The following MBTD1 variants were observed in gnomAD, a reference collection of about 807,000 sequenced individuals.
The protein encoded by MBTD1 is mbt domain containing 1, also known as MBT domain-containing protein 1.
In MBTD1, 24 loss-of-function variants were observed where a neutral mutation model predicts 87.8. The ratio of observed to expected loss-of-function variants is 0.27; its 90% confidence interval spans 0.20 to 0.38. The LOEUF (loss-of-function observed/expected upper bound fraction) is 0.38, where lower values mean the gene tolerates loss of function less well. MBTD1 is among the 10% of genes least tolerant of loss of function. The pLI is 1.00. For synonymous variants in MBTD1, 237 were observed against 248.6 expected (o/e 0.95, Z 0.44); for missense variants, 436 against 760.2 (o/e 0.57, Z 5.02).
chr17:51,252,908 T>C (rs1301018766), intron 2 of MBTD1, among the ~76,000 whole-genome samples: 1 of 151,898 alleles, frequency 6.6e-6, no homozygotes, highest in Non-Finnish European at 1.5e-5. Context: ...AAAATTCATA[T>C]ACTAAATAAA....
chr17:51,244,726 T>C (rs1297395374), intron 2 of MBTD1, among the ~76,000 whole-genome samples: 2 of 148,302 alleles, frequency 1.3e-5, no homozygotes, highest in South Asian at 2.1e-4. Context: ...CCTTTTGACA[T>C]ACTTCCATCT....
At chr17:51,191,086 T>A (rs2145063935) in intron 16 of MBTD1, among the ~76,000 whole-genome samples, 1 of 151,906 alleles carries the variant, frequency 6.6e-6, no homozygotes, top group African/African-American at 2.4e-5. Flanking sequence ...TAAGGCCTTG[T>A]CTCAAAAAAG....
At chr17:51,219,831 C>A (rs903288200) in intron 4 of MBTD1, among the ~76,000 whole-genome samples, 1 of 152,168 alleles carries the variant, frequency 6.6e-6, no homozygotes, top group Admixed American at 6.5e-5. Flanking sequence ...TAAAGCAAGA[C>A]GATTTTCTTT....
rs1159698342 is a variant in MBTD1, at chr17:51,178,659, A to C, written c.*1917T>G. 1 of 152,110 alleles carries C rather than the reference A, an allele frequency of 6.6e-6. No individual in the cohort carries two copies. The highest frequency in any genetic ancestry group is 2.4e-5 in the African/African-American group (1 of 41,402). The allele number at this position is 152,110 out of a possible 1,614,324, so 9.4% of individuals were successfully genotyped here. On this transcript the variant is annotated 3_prime_UTR_variant, in exon 17 of 17. Coordinates refer to ENST00000586178, the MANE Select transcript of MBTD1 (RefSeq NM_017643.3). Reference sequence around the variant, plus strand: ...TTCTAGGCTTTAAGTTTACAAGAAGATTTTTCAAAGTTAAAGATATGGGAA... The same window carrying C: ...TTCTAGGCTTTAAGTTTACAAGAAGCTTTTTCAAAGTTAAAGATATGGGAA...
chr17:51,212,466 C>CAACT (rs931417428), intron 6 of MBTD1, among the ~76,000 whole-genome samples: 3 of 139,634 alleles, frequency 2.1e-5, no homozygotes, highest in Admixed American at 7.2e-5. Flanking sequence ...GTACAAACTA[C>CAACT]AACTGTATTT....
chr17:51,184,179 T>A (rs1260729681), intron 16 of MBTD1: 1 of 152,244 alleles, frequency 6.6e-6, no homozygotes, highest in African/African-American at 2.4e-5. Flanking sequence ...TTTCATGGAA[T>A]CTAAAATAAA....
At chr17:51,207,039 T>A in intron 6 of MBTD1, 34 bp from the exon 7 acceptor site, 1 of 1,215,060 alleles carries the variant, frequency 8.2e-7, no homozygotes, top group Non-Finnish European at 1.2e-6. Context: ...TATTGTCTTA[T>A]TAACATAAAG....
intron 16 of MBTD1, among the ~76,000 whole-genome samples, chr17:51,187,035 A>G (rs2050569237): frequency 6.6e-6 from 1 of 152,134 alleles, no homozygotes; most frequent in Non-Finnish European, 1.5e-5. Context: ...TTTACAATTC[A>G]CTCTTTTAGA....
At chr17:51,258,959 G>A (rs1005564929) in intron 2 of MBTD1, among the ~76,000 whole-genome samples, 184 bp downstream of exon 2, 3 of 152,172 alleles carry the variant, frequency 2.0e-5, no homozygotes, top group African/African-American at 7.2e-5. Context: ...GTGGGTGGGT[G>A]AGGAGGATGT....
intron 2 of MBTD1, among the ~76,000 whole-genome samples, chr17:51,253,423 A>G (rs1298046792): frequency 6.6e-6 from 1 of 152,202 alleles, no homozygotes; most frequent in Admixed American, 6.5e-5. Context: ...ACAAACTTAC[A>G]ATCAGCAGGG....
upstream of MBTD1, chr17:51,260,837 C>G (rs764711930): frequency 3.8e-6 from 6 of 1,598,254 alleles, no homozygotes; most frequent in Non-Finnish European, 5.1e-6. Flanking sequence ...GGAGGACAAA[C>G]CGGCCGTGGA....
At chr17:51,193,900 C>T (rs184711593) in intron 13 of MBTD1, among the ~76,000 whole-genome samples, 8 of 152,264 alleles carry the variant, frequency 5.3e-5, no homozygotes, top group East Asian at 3.9e-4. Context: ...GGATTATTGG[C>T]GTGAGCCACT....
intron 2 of MBTD1, among the ~76,000 whole-genome samples, chr17:51,237,586 G>A (rs1341376746): frequency 6.6e-6 from 1 of 152,066 alleles, no homozygotes; most frequent in Non-Finnish European, 1.5e-5. Context: ...CTCAACATCA[G>A]CGGTCACTGA....
intron 6 of MBTD1, among the ~76,000 whole-genome samples, chr17:51,210,906 G>A (rs2052160203): frequency 6.6e-6 from 1 of 152,162 alleles, no homozygotes; most frequent in Admixed American, 6.5e-5. Context: ...GGAGGCCAAG[G>A]TGGGCAGATC....
At chr17:51,250,460 G>A (rs2054712699) in intron 2 of MBTD1, 1 of 152,176 alleles carries the variant, frequency 6.6e-6, no homozygotes, top group African/African-American at 2.4e-5. Flanking sequence ...GTTCCTGCAT[G>A]TTCAAACTGT....
intron 7 of MBTD1, among the ~76,000 whole-genome samples, chr17:51,204,938 G>C (rs1237202896): frequency 6.6e-6 from 1 of 152,096 alleles, no homozygotes; most frequent in Non-Finnish European, 1.5e-5. Flanking sequence ...AATATGCCAG[G>C]TAAAAAGTTC....
chr17:51,205,312 T>C (rs746439493), intron 7 of MBTD1, among the ~76,000 whole-genome samples: 1 of 152,202 alleles, frequency 6.6e-6, no homozygotes, highest in Non-Finnish European at 1.5e-5. Context: ...GGCATTAAAG[T>C]GGCTTAAAAG....
chr17:51,193,560 T>C (rs374070158), intron 13 of MBTD1, 50 bp from the exon 14 acceptor site: 24 of 999,964 alleles, frequency 2.4e-5, no homozygotes, highest in Non-Finnish European at 3.3e-5. Flanking sequence ...ATTAGCATAA[T>C]ATTAAAATGC....
At chr17:51,194,010 C>G (rs749260936) in intron 13 of MBTD1, among the ~76,000 whole-genome samples, 3 of 152,214 alleles carry the variant, frequency 2.0e-5, no homozygotes, top group Non-Finnish European at 2.9e-5. Context: ...CCTACTTAGT[C>G]TAACGCAAAA....
Sources: gnomAD v4.1 joint callset for allele counts (sites outside exome capture counted in the v4.1 genomes callset) on GRCh38, gnomAD v4.1.1 for gene constraint, MANE v1.5 for transcripts, NCBI Gene and HGNC (gene_info 2026-07-23, HGNC 2026-07-21) for gene names.